TATDN1: variants seen among roughly 807,000 people sequenced by gnomAD.
TATDN1 encodes TatD DNase domain containing 1.
A neutral mutation model predicts 46.4 loss-of-function variants in TATDN1; 40 were observed. The observed-to-expected ratio is 0.86, with a 90% CI of 0.67 to 1.12. The LOEUF (loss-of-function observed/expected upper bound fraction) is 1.12, where lower values mean the gene tolerates loss of function less well. Among genes scored for constraint, TATDN1 ranks in the 50% most tolerant of loss-of-function variants. The pLI is 0.00. For missense variants in TATDN1, 326 were observed against 348.4 expected (o/e 0.94, Z 0.51); for synonymous variants, 95 against 105.6 (o/e 0.90, Z 0.62).
chr8:124,515,913 A>T lies in TATDN1; in HGVS notation c.320T>A (p.Val107Asp). ...AAGTCCGCATTCTCCTATTGCCACA[A>T]CTTTCCCTTTATTGTTTTCAGCAAG... ...LNLAENNKGK[V>D]VAIGECGLDF... Residue 107 changes from valine (V) to aspartate (D), a missense_variant, in exon 5 of 12, where the codon GTT (valine) becomes GAT (aspartate). Transcript: ENST00000276692. 1 of 1,614,064 alleles carries T rather than the reference A, an allele frequency of 6.2e-7. No homozygotes were observed.
chr8:124,515,827 T>G, intron 5 of TATDN1, 39 bp from the exon 6 acceptor site: 1 of 1,613,634 alleles, frequency 6.2e-7, no homozygotes, highest in South Asian at 1.1e-5. Flanking sequence ...TCCTAACTTA[T>G]ACAGAACAAA....
chr8:124,505,078 A>G (rs942139751), intron 8 of TATDN1, among the ~76,000 whole-genome samples: 3 of 150,594 alleles, frequency 2.0e-5, no homozygotes, highest in Non-Finnish European at 3.0e-5. Flanking sequence ...TGTGGAAGAG[A>G]AATTACTTTT....
Position 124,495,528 on chromosome 8 carries a change from TCA to T in TATDN1, c.606_607del (p.Glu203SerfsTer2). 1 of 1,603,742 alleles carries T rather than the reference TCA, an allele frequency of 6.2e-7. No individual in the cohort carries two copies. The highest frequency in any genetic ancestry group is 8.5e-7 in the Non-Finnish European group (1 of 1,176,536). On this transcript the variant is annotated frameshift_variant, in exon 10 of 12. Transcript: ENST00000276692. LOFTEE classifies it high-confidence loss of function. ...TGACTTCAAAACTTCCAAATTAGCTTCAGTTTTCAGTGAGCTTAAAAAAAAGT... is the reference window on the plus strand; with the variant it reads ...TGACTTCAAAACTTCCAAATTAGCTTGTTTTCAGTGAGCTTAAAAAAAAGT...
In TATDN1 at chr8:124,513,202, C is replaced by T. The variant is rs542962159; in HGVS notation, c.389+2544G>A. Reference sequence around the variant, plus strand: ...TGCTGGAATTATAGGCATGAACCACCGCACCCGGCTGTTTTTTTAACCAAG... The same window carrying T: ...TGCTGGAATTATAGGCATGAACCACTGCACCCGGCTGTTTTTTTAACCAAG... On this transcript the variant is annotated intron_variant, in intron 6 of 11. Transcript: ENST00000276692. 1.6e-4 allele frequency among the ~76,000 whole-genome samples: 24 copies of T among 152,146 alleles called. No homozygotes were observed. The South Asian group carries it at 1.7e-3, about 11-fold the overall frequency.
chr8:124,497,539 G>A (rs1817582462), intron 9 of TATDN1, among the ~76,000 whole-genome samples: 1 of 152,076 alleles, frequency 6.6e-6, no homozygotes, highest in Non-Finnish European at 1.5e-5. Context: ...CACCTGCCTT[G>A]GCCTCCCAAA....
chr8:124,513,256 A>T (rs1819186979), intron 6 of TATDN1, among the ~76,000 whole-genome samples: 1 of 152,132 alleles, frequency 6.6e-6, no homozygotes, highest in Non-Finnish European at 1.5e-5. Flanking sequence ...TTAAAATTTT[A>T]AAAATCTCAA....
intron 8 of TATDN1, among the ~76,000 whole-genome samples, chr8:124,507,780 T>C (rs909223961): frequency 6.3e-5 from 6 of 95,562 alleles, no homozygotes; most frequent in Non-Finnish European, 1.1e-4. Flanking sequence ...CCTTTCTTAA[T>C]AACCAAAAAA....
intron 1 of TATDN1, among the ~76,000 whole-genome samples, chr8:124,537,428 A>G (rs1821546404): frequency 6.6e-6 from 1 of 152,210 alleles, no homozygotes; most frequent in Non-Finnish European, 1.5e-5. Flanking sequence ...AGAGCAGCCC[A>G]GGGATGGGCT....
intron 11 of TATDN1, among the ~76,000 whole-genome samples, chr8:124,493,323 T>C (rs1817185205): frequency 6.6e-6 from 1 of 152,226 alleles, no homozygotes; most frequent in Non-Finnish European, 1.5e-5. Flanking sequence ...TAAAATGATA[T>C]AACCACCTTC....
At chr8:124,489,429 T>A (rs1481236054) in intron 11 of TATDN1, 1 of 152,182 alleles carries the variant, frequency 6.6e-6, no homozygotes, top group East Asian at 1.9e-4. Context: ...TTCTTTCTTT[T>A]TTGAGACGGC....
rs762849994 is a variant in TATDN1, at chr8:124,516,005, A to G, written c.228T>C (p.Cys76=). 4 of 1,613,140 alleles carry G rather than the reference A, an allele frequency of 2.5e-6. No homozygotes were observed. The Admixed American group carries it at 6.7e-5, about 27-fold the overall frequency. The change falls in exon 5 of 12, where the codon TGT becomes TGC. Residue 76 remains cysteine (C), a synonymous_variant. Coordinates refer to ENST00000276692, the MANE Select transcript of TATDN1 (RefSeq NM_032026.4). The part of the protein sequence containing the change: ...TNGMFFSTVG[C]HPTRCGEFEK... ...CAAATTCACCACATCTTGTAGGATG[A>G]CATCCAACTGTACTGAAAAACATAC...
intron 6 of TATDN1, among the ~76,000 whole-genome samples, chr8:124,513,058 G>C (rs72713081): frequency 0.088 from 13,379 of 152,018 alleles, 899 homozygotes; most frequent in South Asian, 0.29. Context: ...GGGATTACAG[G>C]TGCTCGCCAC....
At chr8:124,519,606 T>C (rs968933964) in intron 3 of TATDN1, among the ~76,000 whole-genome samples, 3 of 152,218 alleles carry the variant, frequency 2.0e-5, no homozygotes, top group African/African-American at 7.2e-5. Flanking sequence ...ATTTTTAATA[T>C]AGTATGTATC....
intron 8 of TATDN1, among the ~76,000 whole-genome samples, chr8:124,506,351 A>AAAAAAG (rs1374927890): frequency 1.3e-5 from 2 of 149,088 alleles, no homozygotes; most frequent in South Asian, 2.1e-4. Flanking sequence ...AAAAAAAAAA[A>AAAAAAG]AAAAAGAAAA....
chr8:124,513,071 C>T (rs771357306), intron 6 of TATDN1, among the ~76,000 whole-genome samples: 9 of 152,042 alleles, frequency 5.9e-5, no homozygotes, highest in Non-Finnish European at 1.0e-4. Context: ...CTCGCCACCA[C>T]GCCTGGCTAG....
chr8:124,518,800 A>G lies in TATDN1; in HGVS notation c.202+18T>C, dbSNP rs199807289. Reference sequence around the variant, plus strand: ...TACTTAATTCATTTTTTTTTTGGTAAAAGAAATATGAGGATACCATTTGTT... The same window carrying G: ...TACTTAATTCATTTTTTTTTTGGTAGAAGAAATATGAGGATACCATTTGTT... On this transcript the variant is annotated intron_variant, in intron 4 of 11. Transcript: ENST00000276692. 2.3e-5 allele frequency: 36 copies of G among 1,592,140 alleles called. No homozygotes were observed. The highest frequency in any genetic ancestry group is 3.1e-5 in the Non-Finnish European group (36 of 1,163,944).
At chr8:124,515,832 A>G in intron 5 of TATDN1, 44 bp from the exon 6 acceptor site, 1 of 1,613,556 alleles carries the variant, frequency 6.2e-7, no homozygotes, top group Non-Finnish European at 8.5e-7. Context: ...ACTTATACAG[A>G]ACAAATTACT....
intron 6 of TATDN1, among the ~76,000 whole-genome samples, chr8:124,510,568 A>C (rs1334373312): frequency 6.6e-6 from 1 of 152,212 alleles, no homozygotes; most frequent in Non-Finnish European, 1.5e-5. Flanking sequence ...TCAGGCCTGT[A>C]ATCCCAGCAC....
At chr8:124,493,997 ATT>A in intron 10 of TATDN1, 38 bp from the exon 11 acceptor site, 2 of 1,536,384 alleles carry the variant, frequency 1.3e-6, no homozygotes, top group Non-Finnish European at 1.7e-6. Flanking sequence ...AGGGGTTTAC[ATT>A]TTTAAAAATT....
Sources: allele counts gnomAD v4.1 joint callset (sites outside exome capture counted in the v4.1 genomes callset), GRCh38; gene constraint gnomAD v4.1.1; transcripts MANE v1.5; gene names NCBI Gene and HGNC (gene_info 2026-07-23, HGNC 2026-07-21).